The following FRMD1 variants were observed in gnomAD, a reference collection of about 807,000 sequenced individuals.
The protein encoded by FRMD1 is FERM domain-containing protein 1.
In FRMD1, 51 loss-of-function variants were observed where a neutral mutation model predicts 54.9. The ratio of observed to expected loss-of-function variants is 0.93; its 90% CI spans 0.74 to 1.17. The LOEUF is 1.17. Ranked by LOEUF, FRMD1 falls within the 50% of genes most tolerant of loss-of-function variation. The pLI is 0.00. For synonymous variants in FRMD1, 324 were observed against 306.4 expected (o/e 1.06, Z -0.60); for missense variants, 729 against 743.0 (o/e 0.98, Z 0.22).
intron 6 of FRMD1, among the ~76,000 whole-genome samples, 159 bp from the exon 7 acceptor site, chr6:168,063,118 C>T (rs981324400): frequency 6.6e-6 from 1 of 152,216 alleles, no homozygotes; most frequent in South Asian, 2.1e-4. Flanking sequence ...AGCATCAGAT[C>T]AAAGGCATAG....
At chr6:168,088,202 G>A (rs528042964) in intron 1 of FRMD1, among the ~76,000 whole-genome samples, 8 of 152,332 alleles carry the variant, frequency 5.3e-5, no homozygotes, top group Middle Eastern at 3.4e-3. Context: ...GGGATGCTCC[G>A]GCTGGGGTCT....
intron 5 of FRMD1, 64 bp downstream of exon 5, chr6:168,064,807 C>T: frequency 6.7e-7 from 1 of 1,502,264 alleles, no homozygotes; most frequent in Non-Finnish European, 8.9e-7. Flanking sequence ...CCATGGATGG[C>T]ACCCGGTGGA....
At chr6:168,061,771 C>T (rs771270298) in intron 8 of FRMD1, 36 bp downstream of exon 8, 39 of 1,521,132 alleles carry the variant, frequency 2.6e-5, no homozygotes, top group Middle Eastern at 2.3e-4. Flanking sequence ...AGGCACAGTC[C>T]GGCTGCGGAG....
At chr6:168,071,430 C>T (rs115456155) in intron 2 of FRMD1, among the ~76,000 whole-genome samples, 26 of 152,314 alleles carry the variant, frequency 1.7e-4, no homozygotes, top group African/African-American at 5.3e-4. Flanking sequence ...AGGGTGTCCT[C>T]GGGTCAAGAA....
intron 1 of FRMD1, among the ~76,000 whole-genome samples, chr6:168,090,282 C>A (rs1800994531): frequency 6.6e-6 from 1 of 152,196 alleles, no homozygotes; most frequent in Admixed American, 6.5e-5. Flanking sequence ...AGAACTCCTG[C>A]TCAAAGCCCA....
upstream of FRMD1, chr6:168,081,227 G>A (rs1800821317): frequency 7.7e-6 from 7 of 905,542 alleles, no homozygotes; most frequent in South Asian, 1.9e-4. Context: ...GTCGCCATGA[G>A]TACCTCCCGC....
chr6:168,056,825 T>C lies in FRMD1; in HGVS notation c.*272A>G. On this transcript the variant is annotated 3_prime_UTR_variant, in exon 11 of 11. Coordinates refer to ENST00000283309, the MANE Select transcript of FRMD1 (RefSeq NM_024919.6). ...CCAACACCATGGCTCTCTGGACACT[T>C]GACAGCCAGACCTTGAACTGGCTCC... The C allele has an allele frequency of 3.1e-6, 1 of 320,024 alleles. No individual in the cohort carries two copies. The highest frequency in any genetic ancestry group is 5.7e-6 in the Non-Finnish European group (1 of 175,272). The allele number at this position is 320,024 out of a possible 1,614,324, so 19.8% of individuals were successfully genotyped here. A position where few individuals can be genotyped will look rare whatever the true frequency, so the allele number is the denominator to read the frequency against.
intron 2 of FRMD1, among the ~76,000 whole-genome samples, chr6:168,074,467 G>C (rs1253616099): frequency 6.6e-6 from 1 of 151,876 alleles, no homozygotes; most frequent in Non-Finnish European, 1.5e-5. Context: ...GTGTGCATGT[G>C]TGTGGTGCAT....
At chr6:168,061,170 T>C in intron 8 of FRMD1, 113 bp from the exon 9 acceptor site, 1 of 1,089,596 alleles carries the variant, frequency 9.2e-7, no homozygotes, top group Admixed American at 2.7e-5. Context: ...GATGAGGACG[T>C]GGAACAGGCA....
chr6:168,071,120 C>T (rs1436216108), intron 2 of FRMD1, among the ~76,000 whole-genome samples: 2 of 152,218 alleles, frequency 1.3e-5, no homozygotes, highest in Admixed American at 1.3e-4. Flanking sequence ...TGGACACCGG[C>T]ACCCTTGCTC....
chr6:168,092,623 G>A (rs985350362), intron 1 of FRMD1, among the ~76,000 whole-genome samples: 34 of 152,324 alleles, frequency 2.2e-4, no homozygotes, highest in Middle Eastern at 3.4e-3. Context: ...AGAAGGTGCC[G>A]TCTGCAAGGA....
At chr6:168,061,106 C>T in intron 8 of FRMD1, 49 bp from the exon 9 acceptor site, 10 of 1,550,156 alleles carry the variant, frequency 6.5e-6, no homozygotes, top group Non-Finnish European at 8.7e-6. Context: ...AGGGACCAGC[C>T]CTGCTGATGC....
At chr6:168,057,670 C>A in intron 10 of FRMD1, 1 of 305,098 alleles carries the variant, frequency 3.3e-6, no homozygotes, top group African/African-American at 2.2e-5. Flanking sequence ...TGAACACTAG[C>A]TCTGGAAGCA....
upstream of FRMD1, among the ~76,000 whole-genome samples, chr6:168,085,325 A>C (rs1422398372): frequency 6.6e-6 from 1 of 152,234 alleles, no homozygotes; most frequent in Non-Finnish European, 1.5e-5. Flanking sequence ...CGCCTGGCTC[A>C]GGATGGCCAA....
At chr6:168,067,262 C>G (rs1215158098) in intron 3 of FRMD1, 105 bp downstream of exon 3, 2 of 766,232 alleles carry the variant, frequency 2.6e-6, no homozygotes, top group African/African-American at 3.4e-5. Context: ...CCGCGGTCCC[C>G]CACAGCCCAC....
intron 1 of FRMD1, 22 bp downstream of exon 1, chr6:168,078,860 G>A (rs761106460): frequency 1.3e-5 from 19 of 1,444,940 alleles, no homozygotes; most frequent in Admixed American, 1.0e-4. Context: ...TTACCCCCAC[G>A]GCCACCCAGG....
At position 168,061,940 on chromosome 6, in the gene FRMD1, T is replaced by G. The variant is rs1296126945; in HGVS notation, c.912A>C (p.Ala304=). The change falls in exon 8 of 11, where the codon GCA becomes GCC. Residue 304 remains alanine, a synonymous_variant. Coordinates refer to ENST00000283309, the MANE Select transcript of FRMD1 (RefSeq NM_024919.6). The stretch of plus-strand genomic sequence containing the variant: ...ACCCCGTGTAGTAAACCAGCTTCTG[T>G]GCTGCGGGCAGCCCATCCAGCTGGA... ...LEIQLDGLPA[A]QKLVYYTGCT... The G allele has an allele frequency of 5.6e-6, 9 of 1,600,700 alleles. No homozygotes were observed. Among genetic ancestry groups the G allele is most frequent in the Non-Finnish European group, 7.7e-6 (9 of 1,174,866 alleles).
upstream of FRMD1, among the ~76,000 whole-genome samples, chr6:168,086,046 C>A (rs1298563635): frequency 6.6e-6 from 1 of 152,268 alleles, no homozygotes; most frequent in African/African-American, 2.4e-5. Context: ...CCGTACCTCC[C>A]TGTCATGAGG....
chr6:168,060,103 G>C (rs1233739498), intron 9 of FRMD1, among the ~76,000 whole-genome samples: 1 of 87,550 alleles, frequency 1.1e-5, no homozygotes, highest in South Asian at 5.5e-4. Context: ...AGGAGTGTGG[G>C]GGGGGCTTCC....
Sources: allele counts gnomAD v4.1 joint callset (sites outside exome capture counted in the v4.1 genomes callset), GRCh38; gene constraint gnomAD v4.1.1; transcripts MANE v1.5; gene names NCBI Gene and HGNC (gene_info 2026-07-23, HGNC 2026-07-21).